Variants in NR5A2 observed in about 807,000 individuals in gnomAD.
NR5A2 encodes the protein CYP7A promoter-binding factor.
NR5A2 carries 26 observed loss-of-function variants against 62.7 expected under a neutral mutation model. That is an observed-to-expected ratio of 0.41 (90% CI 0.30 to 0.58). NR5A2 has a LOEUF of 0.58. Ranked by LOEUF, NR5A2 falls within the 20% of genes least tolerant of loss-of-function variation. NR5A2 has a pLI of 0.22. For synonymous variants in NR5A2, 246 were observed against 241.7 expected, an observed-to-expected ratio of 1.02 and a Z score of -0.16; for missense variants, 541 against 669.1, an observed-to-expected ratio of 0.81 and a Z score of 2.11.
chr1:200,073,779 G>A (rs981753927), intron 5 of NR5A2, among the ~76,000 whole-genome samples: 2 of 152,048 alleles, frequency 1.3e-5, no homozygotes, highest in Admixed American at 6.6e-5. Flanking sequence ...CATATATGGA[G>A]CGCCTCAATA....
In NR5A2 at chr1:200,048,873, T is replaced by A; in HGVS notation, c.1110+55T>A. 4.5e-6 allele frequency: 7 copies of A among 1,569,576 alleles called. No individual in the cohort carries two copies. In the South Asian group the frequency reaches 8.0e-5, roughly 18 times the overall value. ...ACCCCTTTTAAGAGAGACCTAACTA[T>A]GTTCCTAATTAATACATTCTTGGTG... On this transcript the variant is annotated intron_variant, in intron 5 of 7. Transcript: ENST00000367362. This position sits in a 1 kb window ranked among gnomAD's most constrained non-coding sequence, Gnocchi z 4.8.
intron 5 of NR5A2, among the ~76,000 whole-genome samples, chr1:200,075,177 G>A (rs1249423171): frequency 6.6e-6 from 1 of 152,074 alleles, no homozygotes; most frequent in Non-Finnish European, 1.5e-5. Context: ...AGTAAACAGT[G>A]TTTTATGTAA....
intron 5 of NR5A2, among the ~76,000 whole-genome samples, chr1:200,075,314 AAGG>A (rs1230082081): frequency 4.6e-5 from 7 of 152,244 alleles, no homozygotes; most frequent in African/African-American, 1.2e-4. Flanking sequence ...TTTGCAAAAA[AAGG>A]AGGCTTTTTT....
At chr1:200,148,073 C>A in intron 7 of NR5A2, 1 of 289,226 alleles carries the variant, frequency 3.5e-6, no homozygotes, top group Non-Finnish European at 6.7e-6. Context: ...CGGGGCCCGC[C>A]TCGAAGGTAT....
rs376108677 is a variant in NR5A2, at chr1:200,174,182, T to C, written c.1598T>C (p.Ile533Thr). The stretch of plus-strand genomic sequence containing the variant: ...GATGTGCCCTATAATAACCTTCTCA[T>C]TGAAATGTTGCATGCCAAAAGAGCA... ...NGDVPYNNLL[I>T]EMLHAKRA Residue 533 changes from isoleucine (I) to threonine (T), a missense_variant, in exon 8 of 8, where the codon ATT becomes ACT. Around this residue, in one of 3 missense-constraint regions of NR5A2, gnomAD observed 379 missense variants for 442.0 expected, o/e 0.86. Transcript: ENST00000367362. The C allele has an allele frequency of 2.0e-5, 32 of 1,605,368 alleles. No individual in the cohort carries two copies. In the African/African-American group the frequency reaches 2.1e-4, roughly 11 times the overall value.
chr1:200,157,545 T>C (rs1653447206), intron 7 of NR5A2, among the ~76,000 whole-genome samples: 1 of 152,214 alleles, frequency 6.6e-6, no homozygotes, highest in African/African-American at 2.4e-5. Flanking sequence ...TGTTTCAAGC[T>C]CCAAAAGTTC....
rs34685659 is a variant in NR5A2 at position 200,070,679 on chromosome 1, C to CAAA, written c.1110+21874_1110+21876dup. Reference sequence around the variant, plus strand: ...TAGGTGACAGAGTGAGACTCTGTCTCAAAAAAAAAAAAAAATCACTCACTG... The same window carrying CAAA: ...TAGGTGACAGAGTGAGACTCTGTCTCAAAAAAAAAAAAAAAAAATCACTCACTG... On this transcript the variant is annotated intron_variant, in intron 5 of 7. Transcript: ENST00000367362. Among the ~76,000 whole-genome samples, 761 of 133,564 alleles carry CAAA rather than the reference C, an allele frequency of 5.7e-3. 5 individuals carry two copies. Among genetic ancestry groups the CAAA allele is most frequent in the African/African-American group, 1.0e-2 (352 of 35,364 alleles). The allele number at this position is 133,564 out of a possible 152,430, so 87.6% of individuals were successfully genotyped here.
At position 200,075,639 on chromosome 1, in the gene NR5A2, T is replaced by C. The variant is rs541009018; in HGVS notation, c.1110+26821T>C. On this transcript the variant is annotated intron_variant, in intron 5 of 7. Transcript: ENST00000367362. Reference sequence around the variant, plus strand: ...AAAGACGTGCATAAACCGTTACCGTTGTAGCACAAGTTGAGCAGCAAAAGC... The same window carrying C: ...AAAGACGTGCATAAACCGTTACCGTCGTAGCACAAGTTGAGCAGCAAAAGC... Among the ~76,000 whole-genome samples, 3 of 152,340 alleles carry C rather than the reference T, an allele frequency of 2.0e-5. No homozygotes were observed. The South Asian group carries it at 6.2e-4, about 32-fold the overall frequency.
intron 7 of NR5A2, among the ~76,000 whole-genome samples, chr1:200,168,047 A>AAATG (rs527761743): frequency 3.4e-4 from 52 of 152,250 alleles, no homozygotes; most frequent in Non-Finnish European, 4.6e-4. Context: ...CTGAATGAAT[A>AAATG]AATGAATGAA....
At chr1:200,090,119 C>A (rs988449646) in intron 5 of NR5A2, among the ~76,000 whole-genome samples, 2 of 152,152 alleles carry the variant, frequency 1.3e-5, no homozygotes, top group African/African-American at 4.8e-5. Context: ...ATATGTCTAC[C>A]CCCTCAACTC....
chr1:200,135,406 A>C (rs1667171897), intron 7 of NR5A2, among the ~76,000 whole-genome samples: 1 of 152,102 alleles, frequency 6.6e-6, no homozygotes, highest in Non-Finnish European at 1.5e-5. Context: ...CTGTAATCCC[A>C]ACTACCCGGG....
chr1:200,150,117 T>G (rs1274254578), intron 7 of NR5A2, among the ~76,000 whole-genome samples: 2 of 152,146 alleles, frequency 1.3e-5, no homozygotes, highest in East Asian at 3.8e-4. Context: ...AGTGGAGCAA[T>G]TTGAAGGAGC....
At chr1:200,145,860 G>A (rs760366028) in intron 7 of NR5A2, among the ~76,000 whole-genome samples, 2 of 152,082 alleles carry the variant, frequency 1.3e-5, no homozygotes, top group Non-Finnish European at 2.9e-5. Context: ...CTGCAAGAAG[G>A]GCAGTCAGTT....
chr1:200,076,521 G>T (rs1246370875), intron 5 of NR5A2, among the ~76,000 whole-genome samples: 1 of 151,834 alleles, frequency 6.6e-6, no homozygotes, highest in Non-Finnish European at 1.5e-5. Context: ...AGCATTAGTG[G>T]ATTAAAAATT....
intron 5 of NR5A2, among the ~76,000 whole-genome samples, chr1:200,103,654 C>A (rs1665504228): frequency 6.6e-6 from 1 of 152,180 alleles, no homozygotes; most frequent in African/African-American, 2.4e-5. Context: ...CATGTCACAG[C>A]AGTATCAACA....
At chr1:200,103,253 A>G (rs1344783490) in intron 5 of NR5A2, among the ~76,000 whole-genome samples, 1 of 150,856 alleles carries the variant, frequency 6.6e-6, no homozygotes, top group Non-Finnish European at 1.5e-5. Context: ...CCTCCCAAGT[A>G]GCTGGGATTA....
At chr1:200,082,383 A>G (rs1664338467) in intron 5 of NR5A2, among the ~76,000 whole-genome samples, 1 of 152,224 alleles carries the variant, frequency 6.6e-6, no homozygotes, top group Non-Finnish European at 1.5e-5. Context: ...TGCTGCTGTT[A>G]TGAGAAGAAC....
intron 5 of NR5A2, among the ~76,000 whole-genome samples, chr1:200,051,235 T>C (rs1421499848): frequency 1.3e-5 from 2 of 152,150 alleles, no homozygotes; most frequent in Non-Finnish European, 2.9e-5. Context: ...AATAAAAATA[T>C]ATTTTACAAA....
At chr1:200,030,347 G>A (rs1354361534) in intron 1 of NR5A2, among the ~76,000 whole-genome samples, 4 of 152,198 alleles carry the variant, frequency 2.6e-5, no homozygotes, top group African/African-American at 9.7e-5. Flanking sequence ...GCACACTGAT[G>A]GTTACATGAA....
Sources: gnomAD v4.1 joint callset for allele counts (sites outside exome capture counted in the v4.1 genomes callset) on GRCh38, gnomAD v4.1.1 for gene constraint, gnomAD v4.1.1 regional missense constraint, Gnocchi (gnomAD v3.1) non-coding constraint, MANE v1.5 for transcripts, NCBI Gene and HGNC (gene_info 2026-07-23, HGNC 2026-07-21) for gene names.